The following ARHGAP39 variants were observed in gnomAD, a reference collection of about 807,000 sequenced individuals.
ARHGAP39 encodes the protein rho GTPase-activating protein 39.
In ARHGAP39, 44 loss-of-function variants were observed where a neutral mutation model predicts 106.9. The ratio of observed to expected loss-of-function variants is 0.41; its 90% CI spans 0.32 to 0.53. The LOEUF (loss-of-function observed/expected upper bound fraction) is 0.53. Among genes scored for constraint, ARHGAP39 ranks in the 20% least tolerant of loss-of-function variants. The pLI is 0.21. For missense variants in ARHGAP39, 1,496 were observed against 1,577.3 expected, an observed-to-expected ratio of 0.95 and a Z score of 0.87; for synonymous variants, 768 against 693.2, an observed-to-expected ratio of 1.11 and a Z score of -1.69.
At chr8:144,699,160 G>A in the ARHGAP39 span, 1 of 264,976 alleles carries the variant, frequency 3.8e-6, no homozygotes, top group Non-Finnish European at 7.4e-6. Context: ...GGGAGATGGG[G>A]CAGTGAGGGG....
rs569040613 is a variant in ARHGAP39, at chr8:144,644,965, A to G, written c.-81-39270T>C. ...ACCCTGCCCAGTGCGCCCATTCAGG[A>G]CAGAAGTCAGTCCTCGCAGGCTTGT... On this transcript the variant is annotated intron_variant, in intron 1 of 11. Transcript: ENST00000377307. The surrounding 1 kb of genome is among the most constrained non-coding windows in gnomAD (Gnocchi z 4.8). Among the ~76,000 whole-genome samples the G allele has an allele frequency of 3.9e-5, 6 of 152,292 alleles. No individual in the cohort carries two copies. Among genetic ancestry groups the G allele is most frequent in the Non-Finnish European group, 8.8e-5 (6 of 68,030 alleles).
intron 4 of ARHGAP39, among the ~76,000 whole-genome samples, chr8:144,550,649 A>G (rs1817657027): frequency 6.6e-6 from 1 of 152,258 alleles, no homozygotes; most frequent in African/African-American, 2.4e-5. Flanking sequence ...CACACCACCC[A>G]GGCGAGAAGT....
At position 144,671,685 on chromosome 8, in the gene ARHGAP39, C is replaced by G. The variant is rs780619923; in HGVS notation, c.-82+14001G>C. 2.0e-5 allele frequency among the ~76,000 whole-genome samples: 3 copies of G among 152,226 alleles called. No individual in the cohort carries two copies. Among genetic ancestry groups the G allele is most frequent in the Non-Finnish European group, 2.9e-5 (2 of 68,034 alleles). ...GACACCCCTTCTCCAGAAAGCCTAC[C>G]TGAACTCCACGCCCCTCCCGGCCAG... On this transcript the variant is annotated intron_variant, in intron 1 of 11. Coordinates refer to ENST00000377307, the MANE Select transcript of ARHGAP39 (RefSeq NM_025251.3). The surrounding 1 kb of genome is among the most constrained non-coding windows in gnomAD (Gnocchi z 4.5).
At chr8:144,536,166 C>A (rs1472490634) in intron 7 of ARHGAP39, among the ~76,000 whole-genome samples, 2 of 152,190 alleles carry the variant, frequency 1.3e-5, no homozygotes, top group Non-Finnish European at 2.9e-5. Context: ...CTTGCCTGGA[C>A]CTCAGCCCTC....
intron 3 of ARHGAP39, among the ~76,000 whole-genome samples, chr8:144,571,025 G>T (rs538612492): frequency 1.1e-4 from 16 of 152,226 alleles, no homozygotes; most frequent in African/African-American, 3.4e-4. Flanking sequence ...AGGACCAGAC[G>T]GATTCACAGC....
chr8:144,602,240 TGGA>T (rs1158839394), intron 2 of ARHGAP39, among the ~76,000 whole-genome samples: 141 of 123,956 alleles, frequency 1.1e-3, no homozygotes, highest in African/African-American at 2.8e-3. Context: ...TGCATGTGCG[TGGA>T]GGTGTGTGTG....
At chr8:144,611,483 C>T (rs923747954) in intron 1 of ARHGAP39, among the ~76,000 whole-genome samples, 11 of 152,320 alleles carry the variant, frequency 7.2e-5, no homozygotes, top group African/African-American at 2.6e-4. Context: ...GTCTACTTCT[C>T]TTTGCACTAT....
Position 144,605,692 on chromosome 8 carries a change from C to A in ARHGAP39, c.-78G>T, listed in dbSNP as rs532845698. The A allele has an allele frequency of 1.7e-4, 240 of 1,437,368 alleles. 1 individual carries two copies. In the African/African-American group the frequency reaches 3.1e-3, roughly 18 times the overall value. 89.0% of individuals were successfully genotyped at this position (1,437,368 alleles called of 1,614,324 possible). On this transcript the variant is annotated 5_prime_UTR_variant, in exon 2 of 12. Coordinates refer to ENST00000377307, the MANE Select transcript of ARHGAP39 (RefSeq NM_025251.3). ...ACGCCAGCATCAGACGGGAAGGTGC[C>A]GCACTGCAAGAGGGGAGAAGCAACA...
At chr8:144,601,838 T>C (rs1819979382) in intron 2 of ARHGAP39, among the ~76,000 whole-genome samples, 3 of 142,124 alleles carry the variant, frequency 2.1e-5, no homozygotes, top group South Asian at 2.3e-4. Flanking sequence ...CTCGTGTACC[T>C]GTGTGCATGT....
At chr8:144,628,377 C>G (rs1189064779) in intron 1 of ARHGAP39, among the ~76,000 whole-genome samples, 1 of 152,102 alleles carries the variant, frequency 6.6e-6, no homozygotes, top group Non-Finnish European at 1.5e-5. Flanking sequence ...CAGGAGAACA[C>G]ACACAGAGAG....
In ARHGAP39 at chr8:144,545,721, G is replaced by C. The variant is rs757039371; in HGVS notation, c.2049C>G (p.Phe683Leu). 13 of 1,612,684 alleles carry C rather than the reference G, an allele frequency of 8.1e-6. No individual in the cohort carries two copies. Among genetic ancestry groups the C allele is most frequent in the Non-Finnish European group, 1.1e-5 (13 of 1,179,886 alleles). Residue 683 changes from phenylalanine (F) to leucine (L), a missense_variant, in exon 6 of 12, where the codon TTC (phenylalanine) becomes TTG (leucine). Around this residue, in one of 4 missense-constraint regions of ARHGAP39, gnomAD observed 905 missense variants for 816.4 expected, o/e 1.11. Transcript: ENST00000377307. Reference sequence around the variant, plus strand: ...TCTCCGAGGAGGGCTTGCGCAGCGTGAAAGTGGGGAAGACGCAGCTGGAGC... The same window carrying C: ...TCTCCGAGGAGGGCTTGCGCAGCGTCAAAGTGGGGAAGACGCAGCTGGAGC... ...VPSSSCVFPTFTLRKPSSETD... is the reference protein window; with the variant it reads ...VPSSSCVFPTLTLRKPSSETD...
At chr8:144,659,028 G>A (rs938981463) in intron 1 of ARHGAP39, among the ~76,000 whole-genome samples, 3 of 152,108 alleles carry the variant, frequency 2.0e-5, no homozygotes, top group African/African-American at 7.2e-5. Flanking sequence ...GGGTTAGGGT[G>A]TAATAGCCCC....
chr8:144,553,143 T>G (rs1817781102), intron 4 of ARHGAP39, among the ~76,000 whole-genome samples: 1 of 152,172 alleles, frequency 6.6e-6, no homozygotes, highest in Admixed American at 6.5e-5. Flanking sequence ...GGAGTCCAGG[T>G]TAGCTGAGGA....
rs112231072 is a variant in ARHGAP39, at chr8:144,582,212, G to A, written c.81-935C>T. Among the ~76,000 whole-genome samples, 747 of 152,316 alleles carry A rather than the reference G, an allele frequency of 4.9e-3. 6 individuals carry two copies. Among genetic ancestry groups the A allele is most frequent in the African/African-American group, 0.013 (544 of 41,572 alleles). On this transcript the variant is annotated intron_variant, in intron 2 of 11. Transcript: ENST00000377307. ...ACACGGGCTAGTGGGGGCTGCCTGC[G>A]GCTCCCCCAGGTCAAGGACAGAAAG...
chr8:144,549,550 C>T (rs368113296), intron 4 of ARHGAP39, among the ~76,000 whole-genome samples: 20 of 152,182 alleles, frequency 1.3e-4, no homozygotes, highest in African/African-American at 4.1e-4. Context: ...TGGAGTATAG[C>T]GGCACGGTCT....
chr8:144,555,433 G>A (rs1284783367), intron 4 of ARHGAP39, 127 bp downstream of exon 4: 7 of 854,120 alleles, frequency 8.2e-6, no homozygotes, highest in Admixed American at 3.8e-5. Flanking sequence ...TGGCCTCCAC[G>A]GCCTTTCCAG....
upstream of ARHGAP39, among the ~76,000 whole-genome samples, chr8:144,690,212 A>C (rs555539076): frequency 1.9e-4 from 29 of 152,108 alleles, no homozygotes; most frequent in African/African-American, 6.7e-4. Context: ...GCTAAGATTC[A>C]AGCGATTCTC....
intron 3 of ARHGAP39, among the ~76,000 whole-genome samples, chr8:144,564,303 G>A (rs137981997): frequency 3.3e-3 from 510 of 152,284 alleles, no homozygotes; most frequent in African/African-American, 0.01. Context: ...ACTGGCCCCC[G>A]TTGTCCCCTG....
intron 6 of ARHGAP39, among the ~76,000 whole-genome samples, chr8:144,544,991 G>A (rs1015969270): frequency 1.1e-4 from 17 of 152,268 alleles, no homozygotes; most frequent in African/African-American, 3.9e-4. Context: ...TTGGAGCAGA[G>A]TGGATGCGGC....
Sources: gnomAD v4.1 joint callset for allele counts (sites outside exome capture counted in the v4.1 genomes callset) on GRCh38, gnomAD v4.1.1 for gene constraint, gnomAD v4.1.1 regional missense constraint, Gnocchi (gnomAD v3.1) non-coding constraint, MANE v1.5 for transcripts, NCBI Gene and HGNC (gene_info 2026-07-23, HGNC 2026-07-21) for gene names.